The following LRMDA variants were observed in gnomAD, a reference collection of about 807,000 sequenced individuals.
LRMDA encodes the protein leucine-rich melanocyte differentiation-associated protein.
A neutral mutation model predicts 29.8 loss-of-function variants in LRMDA; 18 were observed. The ratio of observed to expected loss-of-function variants is 0.60; its 90% CI spans 0.42 to 0.90. The LOEUF (loss-of-function observed/expected upper bound fraction) is 0.90. Among genes scored for constraint, LRMDA ranks in the 40% least tolerant of loss-of-function variants. The pLI is 0.00. For missense variants in LRMDA, 273 were observed against 273.9 expected, an observed-to-expected ratio of 1.00 and a Z score of 0.02; for synonymous variants, 125 against 109.4, an observed-to-expected ratio of 1.14 and a Z score of -0.89.
rs545809364 is a variant in LRMDA, at chr10:75,481,334, TGG to T, written c.131+42843_131+42844del. Reference sequence around the variant, plus strand: ...AGCAGATTTGTGCTTTGCCAGAGGCTGGGGAAAGAGCAATTTAAAGAGGAGGA... The same window carrying T: ...AGCAGATTTGTGCTTTGCCAGAGGCTGGAAAGAGCAATTTAAAGAGGAGGA... On this transcript the variant is annotated intron_variant, in intron 2 of 6. Transcript: ENST00000611255. 3.0e-3 allele frequency among the ~76,000 whole-genome samples: 462 copies of T among 152,156 alleles called. 2 individuals are homozygous for T. Among genetic ancestry groups the T allele is most frequent in the Non-Finnish European group, 5.1e-3 (347 of 67,982 alleles).
intron 5 of LRMDA, among the ~76,000 whole-genome samples, chr10:76,219,390 C>T (rs1446954547): frequency 6.6e-6 from 1 of 152,034 alleles, no homozygotes; most frequent in Non-Finnish European, 1.5e-5. Context: ...CAGAGACACA[C>T]ATAGGCTCAA....
intron 1 of LRMDA, among the ~76,000 whole-genome samples, chr10:75,434,529 A>G (rs1200865606): frequency 1.3e-5 from 2 of 152,324 alleles, no homozygotes; most frequent in African/African-American, 4.8e-5. Context: ...AGTACCGGGA[A>G]TCAGATTTGT....
At position 75,592,376 on chromosome 10, in the gene LRMDA, G is replaced by A. The variant is rs1449671073; in HGVS notation, c.131+153882G>A. The stretch of plus-strand genomic sequence containing the variant: ...TTCTCACTTTAGGGCAGCGATAGGA[G>A]TCAAACCTCATCTGCTGCCCGAAGT... On this transcript the variant is annotated intron_variant, in intron 2 of 6. Coordinates refer to ENST00000611255, the MANE Select transcript of LRMDA (RefSeq NM_001305581.2). 2.6e-5 allele frequency among the ~76,000 whole-genome samples: 4 copies of A among 152,234 alleles called. No individual in the cohort carries two copies. The East Asian group carries it at 7.7e-4, about 29-fold the overall frequency.
intron 5 of LRMDA, among the ~76,000 whole-genome samples, chr10:76,268,167 G>A (rs1360203093): frequency 1.3e-5 from 2 of 152,142 alleles, no homozygotes; most frequent in Non-Finnish European, 2.9e-5. Context: ...TGGTGTGAAG[G>A]CCAAGGTTAA....
rs549340066 is a variant in LRMDA at position 75,813,374 on chromosome 10, A to G, written c.132-222634A>G. On this transcript the variant is annotated intron_variant, in intron 2 of 6. Coordinates refer to ENST00000611255, the MANE Select transcript of LRMDA (RefSeq NM_001305581.2). Reference sequence around the variant, plus strand: ...GAAGTATCTTCCCTGGAGGGTCTACATCTTAATCACTTGGGATTTCCATCA... The same window carrying G: ...GAAGTATCTTCCCTGGAGGGTCTACGTCTTAATCACTTGGGATTTCCATCA... 3.2e-4 allele frequency among the ~76,000 whole-genome samples: 48 copies of G among 152,318 alleles called. No homozygotes were observed. The South Asian group carries it at 5.2e-3, about 16-fold the overall frequency.
chr10:76,559,332 CAT>C lies in LRMDA; in HGVS notation c.*2047_*2048del, dbSNP rs1321359126. The stretch of plus-strand genomic sequence containing the variant: ...CTCAATGTGAGCTTTGGAGGCAAAA[CAT>C]ATTTTTGGAGTGAGTTATTGACCAC... On this transcript the variant is annotated 3_prime_UTR_variant, in exon 7 of 7. Transcript: ENST00000611255. 3.3e-5 allele frequency: 5 copies of C among 152,122 alleles called. No homozygotes were observed. Among genetic ancestry groups the C allele is most frequent in the Non-Finnish European group, 7.4e-5 (5 of 68,016 alleles). The allele number at this position is 152,122 out of a possible 1,614,324, so 9.4% of individuals were successfully genotyped here. A position where few individuals can be genotyped will look rare whatever the true frequency, so the allele number is the denominator to read the frequency against.
intron 1 of LRMDA, among the ~76,000 whole-genome samples, chr10:75,434,310 G>A (rs1378889871): frequency 1.3e-5 from 2 of 152,184 alleles, no homozygotes; most frequent in Admixed American, 6.5e-5. Flanking sequence ...TTAGCTCATC[G>A]CATTCCTGTA....
intron 2 of LRMDA, among the ~76,000 whole-genome samples, chr10:75,747,042 C>T (rs1344955351): frequency 6.6e-6 from 1 of 152,012 alleles, no homozygotes; most frequent in Non-Finnish European, 1.5e-5. Flanking sequence ...TTTATTATTC[C>T]ATTTAAAGAG....
intron 2 of LRMDA, among the ~76,000 whole-genome samples, chr10:75,997,949 A>G (rs1195170221): frequency 2.0e-5 from 3 of 152,152 alleles, no homozygotes; most frequent in Non-Finnish European, 4.4e-5. Flanking sequence ...TCTGCCTGGC[A>G]TGTTTGCTTG....
chr10:76,277,597 T>C (rs916774142), intron 5 of LRMDA, among the ~76,000 whole-genome samples: 5 of 152,214 alleles, frequency 3.3e-5, no homozygotes, highest in African/African-American at 1.2e-4. Context: ...CTCCTTTTCC[T>C]GGTTTTGTTG....
chr10:75,617,881 A>G (rs1442386421), intron 2 of LRMDA, among the ~76,000 whole-genome samples: 3 of 152,186 alleles, frequency 2.0e-5, no homozygotes, highest in Admixed American at 6.5e-5. Flanking sequence ...AAGCAGTAGG[A>G]GACCTGGCGC....
chr10:76,449,746 A>C (rs745857309), intron 6 of LRMDA, among the ~76,000 whole-genome samples: 14 of 151,980 alleles, frequency 9.2e-5, no homozygotes, highest in Non-Finnish European at 2.1e-4. Flanking sequence ...TATAAACTAT[A>C]TACTAAATCC....
chr10:75,543,031 T>G (rs1372469481), intron 2 of LRMDA, among the ~76,000 whole-genome samples: 1 of 152,174 alleles, frequency 6.6e-6, no homozygotes, highest in East Asian at 1.9e-4. Flanking sequence ...CAGAAGACAC[T>G]GGGAAATTGA....
intron 2 of LRMDA, among the ~76,000 whole-genome samples, chr10:75,611,946 TC>T (rs1841037694): frequency 6.6e-6 from 1 of 152,186 alleles, no homozygotes; most frequent in Non-Finnish European, 1.5e-5. Flanking sequence ...ACTTTTTTGG[TC>T]CCCTTCTCCT....
intron 2 of LRMDA, among the ~76,000 whole-genome samples, chr10:75,732,852 C>G (rs1276712458): frequency 6.6e-6 from 1 of 152,166 alleles, no homozygotes; most frequent in Non-Finnish European, 1.5e-5. Context: ...CTGAGGACTT[C>G]TTATCCCATG....
At chr10:76,008,588 G>A (rs189213735) in intron 2 of LRMDA, among the ~76,000 whole-genome samples, 72 of 152,366 alleles carry the variant, frequency 4.7e-4, no homozygotes, top group African/African-American at 1.7e-3. Context: ...GGGGACTGGC[G>A]TGGCCAGTGC....
At chr10:75,533,553 G>C (rs1026037350) in intron 2 of LRMDA, among the ~76,000 whole-genome samples, 1 of 152,198 alleles carries the variant, frequency 6.6e-6, no homozygotes, top group Non-Finnish European at 1.5e-5. Context: ...CACTGACTTG[G>C]TTAAAAGTAG....
At chr10:75,707,847 G>C (rs1043925821) in intron 2 of LRMDA, among the ~76,000 whole-genome samples, 4 of 152,064 alleles carry the variant, frequency 2.6e-5, no homozygotes, top group Non-Finnish European at 5.9e-5. Context: ...ACGGGGACTG[G>C]GGCTTTTTTG....
chr10:75,919,805 G>A (rs1345592669), intron 2 of LRMDA, among the ~76,000 whole-genome samples: 1 of 152,172 alleles, frequency 6.6e-6, no homozygotes, highest in African/African-American at 2.4e-5. Flanking sequence ...CCTGGAGAAG[G>A]TCCAGGGAGC....
Sources: allele counts gnomAD v4.1 joint callset (sites outside exome capture counted in the v4.1 genomes callset), GRCh38; gene constraint gnomAD v4.1.1; transcripts MANE v1.5; gene names NCBI Gene and HGNC (gene_info 2026-07-23, HGNC 2026-07-21).